MAP9: variants seen among roughly 807,000 people sequenced by gnomAD.
MAP9 encodes microtubule-associated protein 9.
In MAP9, 80 loss-of-function variants were observed where a neutral mutation model predicts 75.2. That is an observed-to-expected ratio of 1.06 (90% CI 0.89 to 1.28). The LOEUF is 1.28. Ranked by LOEUF, MAP9 falls within the 50% of genes most tolerant of loss-of-function variation. The pLI is 0.00. For missense variants in MAP9, 753 were observed against 719.9 expected (o/e 1.05, Z -0.53); for synonymous variants, 235 against 237.3 (o/e 0.99, Z 0.09).
chr4:155,363,277 A>C (rs1042416728), intron 5 of MAP9: 5 of 152,158 alleles, frequency 3.3e-5, no homozygotes, highest in African/African-American at 1.2e-4. Flanking sequence ...TCCAGCCATG[A>C]TATCCACTTG....
intron 6 of MAP9, among the ~76,000 whole-genome samples, 177 bp downstream of exon 6, chr4:155,361,869 TGA>T (rs1034530375): frequency 2.6e-5 from 4 of 152,070 alleles, no homozygotes; most frequent in Non-Finnish European, 5.9e-5. Flanking sequence ...ATTGAGGCAC[TGA>T]GAGATTAAGT....
chr4:155,345,667 CATTA>C lies in MAP9; in HGVS notation c.*2112_*2115del, dbSNP rs111681273. 44 of 152,170 alleles carry C rather than the reference CATTA, an allele frequency of 2.9e-4. No homozygotes were observed. Among genetic ancestry groups the C allele is most frequent in the African/African-American group, 9.6e-4 (40 of 41,550 alleles). The allele number at this position is 152,170 out of a possible 1,614,324, so 9.4% of individuals were successfully genotyped here. On this transcript the variant is annotated 3_prime_UTR_variant, in exon 14 of 14. Transcript: ENST00000311277. ...TCCTTATTATGTGTCAAATAGTTTA[CATTA>C]ATTAACTCGGTTCTCACAACAACCT...
chr4:155,352,791 T>C, intron 12 of MAP9, 63 bp from the exon 13 acceptor site: 1 of 1,448,710 alleles, frequency 6.9e-7, no homozygotes, highest in Non-Finnish European at 9.4e-7. Flanking sequence ...GATTCCCTAG[T>C]ACATCTTTGA....
At position 155,368,634 on chromosome 4, in the gene MAP9, T is replaced by C. The variant is rs368142872; in HGVS notation, c.660A>G (p.Ile220Met). ...ATGCTTTTTTCTCAGCTTCTAATTG[T>C]ATGCCATTCGGCGTTGGAAGGGAAG... ...APSSLPTPNGIQLEAEKKAFS... is the reference protein window; with the variant it reads ...APSSLPTPNGMQLEAEKKAFS... The change falls in exon 5 of 14, where the codon ATA becomes ATG. Residue 220 changes from isoleucine to methionine, a missense_variant. Transcript: ENST00000311277. 2.5e-5 allele frequency: 40 copies of C among 1,614,104 alleles called. No individual in the cohort carries two copies. The African/African-American group carries it at 2.8e-4, about 11-fold the overall frequency.
At chr4:155,361,975 T>C in intron 6 of MAP9, 73 bp downstream of exon 6, 1 of 871,002 alleles carries the variant, frequency 1.1e-6, no homozygotes, top group Non-Finnish European at 1.8e-6. Context: ...ATACAAAGTA[T>C]TATTTCTCTT....
At chr4:155,374,513 A>C (rs1216224216) in intron 3 of MAP9, among the ~76,000 whole-genome samples, 1 of 152,192 alleles carries the variant, frequency 6.6e-6, no homozygotes, top group East Asian at 1.9e-4. Flanking sequence ...AGCCAAAAAA[A>C]ATCTGATTTA....
chr4:155,374,860 G>T, intron 3 of MAP9, 77 bp downstream of exon 3: 1 of 860,660 alleles, frequency 1.2e-6, no homozygotes, highest in Non-Finnish European at 1.8e-6. Flanking sequence ...GGGATGGGTG[G>T]TTGGGGGGCT....
chr4:155,367,898 A>G (rs974090017), intron 5 of MAP9, among the ~76,000 whole-genome samples: 1 of 152,266 alleles, frequency 6.6e-6, no homozygotes, highest in African/African-American at 2.4e-5. Context: ...GGTGGCATGC[A>G]GTTCCCTAAT....
rs930035499 is a variant in MAP9, at chr4:155,344,549, T to A, written c.*3234A>T. 1.3e-5 allele frequency: 2 copies of A among 152,018 alleles called. No individual in the cohort carries two copies. Among genetic ancestry groups the A allele is most frequent in the African/African-American group, 4.8e-5 (2 of 41,454 alleles). 9.4% of individuals were successfully genotyped at this position (152,018 alleles called of 1,614,324 possible). A position where few individuals can be genotyped will look rare whatever the true frequency, so the allele number is the denominator to read the frequency against. ...TAAGGAACATAAGACTGTGGATACCTATCTACTGTCAGGTACTGCTTTGGC... is the reference window on the plus strand; with the variant it reads ...TAAGGAACATAAGACTGTGGATACCAATCTACTGTCAGGTACTGCTTTGGC... On this transcript the variant is annotated 3_prime_UTR_variant, in exon 14 of 14. Coordinates refer to ENST00000311277, the MANE Select transcript of MAP9 (RefSeq NM_001039580.2).
In MAP9 at chr4:155,343,549, G is replaced by T. The variant is rs1731184983; in HGVS notation, c.*4234C>A. 1 of 151,372 alleles carries T rather than the reference G, an allele frequency of 6.6e-6. No homozygotes were observed. Among genetic ancestry groups the T allele is most frequent in the African/African-American group, 2.4e-5 (1 of 41,290 alleles). The allele number at this position is 151,372 out of a possible 1,614,324, so 9.4% of individuals were successfully genotyped here. A position where few individuals can be genotyped will look rare whatever the true frequency, so the allele number is the denominator to read the frequency against. On this transcript the variant is annotated 3_prime_UTR_variant, in exon 14 of 14. Transcript: ENST00000311277. ...AAATTTTTAGTCATTTATAATAAAAGGTATATTAGCATATGATTATTTTAT... is the reference window on the plus strand; with the variant it reads ...AAATTTTTAGTCATTTATAATAAAATGTATATTAGCATATGATTATTTTAT...
intron 4 of MAP9, among the ~76,000 whole-genome samples, chr4:155,370,148 A>G (rs573458474): frequency 6.6e-6 from 1 of 152,042 alleles, no homozygotes; most frequent in Non-Finnish European, 1.5e-5. Flanking sequence ...TCCTCCCTCT[A>G]TTATCCCCTA....
chr4:155,352,577 A>T lies in MAP9; in HGVS notation c.1821+19T>A, dbSNP rs763590621. The T allele has an allele frequency of 7.0e-6, 11 of 1,571,704 alleles. No individual in the cohort carries two copies. Among genetic ancestry groups the T allele is most frequent in the South Asian group, 1.2e-5 (1 of 85,952 alleles). The stretch of plus-strand genomic sequence containing the variant: ...AGGTACATGAAAAAGACGAAAGTGC[A>T]TTGACAAATAATACCTACCAGCCAT... On this transcript the variant is annotated intron_variant, in intron 13 of 13. Coordinates refer to ENST00000311277, the MANE Select transcript of MAP9 (RefSeq NM_001039580.2).
chr4:155,368,264 T>C (rs1287328290), intron 5 of MAP9: 2 of 499,992 alleles, frequency 4.0e-6, no homozygotes, highest in African/African-American at 3.9e-5. Flanking sequence ...TTATATAGAT[T>C]CAGAAAAGCA....
At position 155,357,453 on chromosome 4, in the gene MAP9, C is replaced by A; in HGVS notation, c.1117G>T (p.Ala373Ser). The change falls in exon 8 of 14, where the codon GCC becomes TCC. Residue 373 changes from alanine to serine, a missense_variant. By Grantham distance (99) the Ala-to-Ser change is moderately conservative. Coordinates refer to ENST00000311277, the MANE Select transcript of MAP9 (RefSeq NM_001039580.2). ...AAATATTGGTAACTTTATTACCTGG[C>A]AGATGCACTGGATGCTCTATTATTT... ...STNNRASSAS[A>S]RLMTSEFLKK... The A allele has an allele frequency of 6.5e-7, 1 of 1,549,986 alleles. No individual in the cohort carries two copies. Among genetic ancestry groups the A allele is most frequent in the Non-Finnish European group, 8.9e-7 (1 of 1,122,702 alleles).
At chr4:155,354,098 C>T (rs989385714) in intron 10 of MAP9, 2 of 152,318 alleles carry the variant, frequency 1.3e-5, no homozygotes, top group East Asian at 1.9e-4. Flanking sequence ...CTGCTATGAA[C>T]GTGGTTAACA....
intron 6 of MAP9, 194 bp from the exon 7 acceptor site, chr4:155,360,609 T>TA (rs1732031823): frequency 1.5e-5 from 8 of 547,016 alleles, no homozygotes; most frequent in Non-Finnish European, 2.5e-5. Context: ...AGTCTAGGCT[T>TA]AACTAATGAA....
In MAP9 at chr4:155,360,285, G is replaced by A. The variant is rs780659043; in HGVS notation, c.933C>T (p.Asp311=). The change falls in exon 7 of 14, where the codon GAC becomes GAT. Residue 311 remains aspartate (D), a synonymous_variant. Transcript: ENST00000311277. ...KSKESQVTAD[D]LEEEKAKAEL... is the part of the protein sequence containing the mutation. ...CCGCTTTTGCCTTTTCTTCTTCAAG[G>A]TCATCAGCAGTCACTTGACTTTCCT... 1 of 1,613,092 alleles carries A rather than the reference G, an allele frequency of 6.2e-7. No homozygotes were observed. The highest frequency in any genetic ancestry group is 2.2e-5 in the East Asian group (1 of 44,782).
Position 155,343,358 on chromosome 4 carries a change from T to C in MAP9, c.*4425A>G, listed in dbSNP as rs1731179421. On this transcript the variant is annotated 3_prime_UTR_variant, in exon 14 of 14. Transcript: ENST00000311277. ...AGGAGAAAGTACACTAGAAACTAAT[T>C]AACAGGAAGAGTACAAAATAATATG... 1 of 151,660 alleles carries C rather than the reference T, an allele frequency of 6.6e-6. No individual in the cohort carries two copies. The highest frequency in any genetic ancestry group is 1.5e-5 in the Non-Finnish European group (1 of 67,774). The allele number at this position is 151,660 out of a possible 1,614,324, so 9.4% of individuals were successfully genotyped here. A position where few individuals can be genotyped will look rare whatever the true frequency, so the allele number is the denominator to read the frequency against.
In MAP9 at chr4:155,352,681, A is replaced by AT. The variant is rs752408269; in HGVS notation, c.1735dup (p.Ile579AsnfsTer3). 1.3e-6 allele frequency: 2 copies of AT among 1,556,424 alleles called. No individual in the cohort carries two copies. Among genetic ancestry groups the AT allele is most frequent in the Non-Finnish European group, 1.8e-6 (2 of 1,140,252 alleles). On this transcript the variant is annotated frameshift_variant, in exon 13 of 14. Coordinates refer to ENST00000311277, the MANE Select transcript of MAP9 (RefSeq NM_001039580.2). LOFTEE classifies it high-confidence loss of function. ...CAGTTCTTCCTTTCTTTTCTCATTT[A>AT]TTTTTTCTTTTTCCTTTTGCTTGAA...
Sources: gnomAD v4.1 joint callset for allele counts (sites outside exome capture counted in the v4.1 genomes callset) on GRCh38, gnomAD v4.1.1 for gene constraint, MANE v1.5 for transcripts, NCBI Gene and HGNC (gene_info 2026-07-23, HGNC 2026-07-21) for gene names.